Variants in ANKRD30B observed in about 807,000 individuals in gnomAD.
ANKRD30B encodes the protein ankyrin repeat domain-containing protein 30B.
In ANKRD30B, 144 loss-of-function variants were observed where a neutral mutation model predicts 202.2. The ratio of observed to expected loss-of-function variants is 0.71; its 90% CI spans 0.62 to 0.82. ANKRD30B has a LOEUF of 0.82. Ranked by LOEUF, ANKRD30B falls within the 40% of genes least tolerant of loss-of-function variation. The pLI is 0.00. For missense variants in ANKRD30B, 1,487 were observed against 1,669.1 expected (o/e 0.89, Z 1.90); for synonymous variants, 508 against 561.3 (o/e 0.91, Z 1.34).
At chr18:14,892,312 A>G in the ANKRD30B span, among the ~76,000 whole-genome samples, 3 of 152,370 alleles carry the variant, frequency 2.0e-5, no homozygotes, top group East Asian at 3.9e-4. Flanking sequence ...TGATAGAGTT[A>G]TTATTAATTA....
chr18:14,787,569 C>G (rs1344393599), intron 15 of ANKRD30B, among the ~76,000 whole-genome samples: 1 of 151,964 alleles, frequency 6.6e-6, no homozygotes, highest in Non-Finnish European at 1.5e-5. Flanking sequence ...CTTTATTGTT[C>G]AGTATAGATC....
intron 11 of ANKRD30B, among the ~76,000 whole-genome samples, chr18:14,780,999 C>G (rs1417038059): frequency 2.0e-5 from 3 of 152,218 alleles, no homozygotes; most frequent in Admixed American, 2.0e-4. Flanking sequence ...TGGAAAGACA[C>G]AGGAAGTGTC....
At chr18:14,860,998 G>A in the ANKRD30B span, among the ~76,000 whole-genome samples, 60 of 152,250 alleles carry the variant, frequency 3.9e-4, 1 homozygote, top group East Asian at 9.5e-3. Context: ...ACTGCACCCA[G>A]CCAGTGCAAG....
At chr18:14,920,434 A>G in the ANKRD30B span, among the ~76,000 whole-genome samples, 1 of 152,216 alleles carries the variant, frequency 6.6e-6, no homozygotes, top group Non-Finnish European at 1.5e-5. Flanking sequence ...TAGTGTCACC[A>G]TAGAGTCACT....
At chr18:14,865,412 T>A in the ANKRD30B span, among the ~76,000 whole-genome samples, 1 of 151,104 alleles carries the variant, frequency 6.6e-6, no homozygotes, top group Non-Finnish European at 1.5e-5. Flanking sequence ...CTCAAAATCT[T>A]TTTACCTACA....
At chr18:14,846,972 A>C (rs760201216) in intron 39 of ANKRD30B, among the ~76,000 whole-genome samples, 1 of 148,910 alleles carries the variant, frequency 6.7e-6, no homozygotes, top group Non-Finnish European at 1.5e-5. Flanking sequence ...GATTTCTGTT[A>C]GTCCCAGATC....
the ANKRD30B span, among the ~76,000 whole-genome samples, chr18:14,921,855 A>C: frequency 3.3e-5 from 5 of 152,148 alleles, no homozygotes; most frequent in Non-Finnish European, 7.3e-5. Context: ...TTTCCGATGC[A>C]TAAATTGTGG....
intron 19 of ANKRD30B, 34 bp downstream of exon 19, chr18:14,797,723 A>G: frequency 1.2e-6 from 2 of 1,608,078 alleles, no homozygotes; most frequent in South Asian, 2.2e-5. Context: ...TTGAATATTA[A>G]CTACATATTT....
chr18:14,882,598 T>A, the ANKRD30B span, among the ~76,000 whole-genome samples: 1 of 152,178 alleles, frequency 6.6e-6, no homozygotes, highest in Non-Finnish European at 1.5e-5. Flanking sequence ...GGATGAAATG[T>A]TCTGTATATA....
chr18:14,772,314 T>C, intron 9 of ANKRD30B, 86 bp downstream of exon 9: 1 of 770,902 alleles, frequency 1.3e-6, no homozygotes, highest in Non-Finnish European at 1.9e-6. Flanking sequence ...TGTATCATTA[T>C]TTCATGTTGG....
intron 9 of ANKRD30B, among the ~76,000 whole-genome samples, chr18:14,775,988 A>G (rs1339820828): frequency 3.9e-5 from 6 of 152,252 alleles, no homozygotes; most frequent in Admixed American, 1.3e-4. Context: ...TAAACTGGAA[A>G]GTCTGTATAC....
intron 36 of ANKRD30B, among the ~76,000 whole-genome samples, 195 bp downstream of exon 36, chr18:14,837,871 C>T (rs1971248383): frequency 6.6e-6 from 1 of 152,068 alleles, no homozygotes; most frequent in African/African-American, 2.4e-5. Flanking sequence ...AAAAATTTAG[C>T]TGGGCATGGT....
At chr18:14,934,942 A>ACACACACACG in the ANKRD30B span, among the ~76,000 whole-genome samples, 2 of 149,342 alleles carry the variant, frequency 1.3e-5, no homozygotes, top group African/African-American at 5.1e-5. Context: ...ACACACACAC[A>ACACACACACG]CACACACCCC....
chr18:14,767,964 C>T (rs1916515209), intron 7 of ANKRD30B, among the ~76,000 whole-genome samples: 1 of 152,148 alleles, frequency 6.6e-6, no homozygotes, highest in African/African-American at 2.4e-5. Flanking sequence ...GCGTACAACT[C>T]ATAGAATGTT....
In ANKRD30B at chr18:14,828,664, A is replaced by C. The variant is rs1970766217; in HGVS notation, c.2774+356A>C. ...ATCACTAGGATCAAGGTACAGGACC[A>C]GATGGGATCAATTCACAAAGTCACA... On this transcript the variant is annotated intron_variant, in intron 33 of 43. Coordinates refer to ENST00000690538, the MANE Select transcript of ANKRD30B (RefSeq NM_001367607.2). 2.0e-5 allele frequency among the ~76,000 whole-genome samples: 3 copies of C among 152,220 alleles called. No homozygotes were observed. In the South Asian group the frequency reaches 6.2e-4, roughly 32 times the overall value.
chr18:14,827,676 T>TA (rs1284046651), intron 32 of ANKRD30B, among the ~76,000 whole-genome samples: 1 of 152,208 alleles, frequency 6.6e-6, no homozygotes, highest in Non-Finnish European at 1.5e-5. Context: ...GAGACTACTG[T>TA]ATACTCTGTT....
At chr18:14,868,201 G>A in the ANKRD30B span, among the ~76,000 whole-genome samples, 1 of 152,304 alleles carries the variant, frequency 6.6e-6, no homozygotes, top group Admixed American at 6.5e-5. Context: ...GCCAGGAAGG[G>A]GGAGTAGGAG....
chr18:14,837,355 ATT>A, intron 35 of ANKRD30B, 66 bp downstream of exon 35: 1 of 1,383,326 alleles, frequency 7.2e-7, no homozygotes. Context: ...ATCTCTGAAA[ATT>A]TTTCTATGTT....
At chr18:14,753,076 G>T in intron 3 of ANKRD30B, 64 bp downstream of exon 3, 2 of 1,305,782 alleles carry the variant, frequency 1.5e-6, no homozygotes, top group Middle Eastern at 2.0e-4. Flanking sequence ...GTTAACATAT[G>T]TAAGGCTTTT....
Sources: allele counts gnomAD v4.1 joint callset (sites outside exome capture counted in the v4.1 genomes callset), GRCh38; gene constraint gnomAD v4.1.1; transcripts MANE v1.5; gene names NCBI Gene and HGNC (gene_info 2026-07-23, HGNC 2026-07-21).